Variants in PLEKHA6 observed in about 807,000 individuals in gnomAD.
PLEKHA6 encodes pleckstrin homology domain-containing family A member 6.
A neutral mutation model predicts 116.7 loss-of-function variants in PLEKHA6; 60 were observed. The observed-to-expected ratio is 0.51, with a 90% CI of 0.42 to 0.64. The LOEUF is 0.64. Among genes scored for constraint, PLEKHA6 ranks in the 30% least tolerant of loss-of-function variants. The pLI is 0.00. For missense variants in PLEKHA6, 1,338 were observed against 1,422.7 expected, an observed-to-expected ratio of 0.94 and a Z score of 0.96; for synonymous variants, 489 against 556.1, an observed-to-expected ratio of 0.88 and a Z score of 1.70.
chr1:204,307,199 C>G (rs946528505), intron 1 of PLEKHA6: 2 of 152,232 alleles, frequency 1.3e-5, no homozygotes, highest in Non-Finnish European at 2.9e-5. Context: ...CTCACACACT[C>G]ACACTCATTC....
In PLEKHA6 at chr1:204,228,852, G is replaced by A. The variant is rs1325387452; in HGVS notation, c.2761C>T (p.Pro921Ser). ...DVDINKELST[P>S]DKVLIPERYI... ...CGTTCAGGGATGAGGACTTTGTCTG[G>A]AGTGGAGAGCTATGGAGGGGCTGGG... The change falls in exon 20 of 23, where the codon CCA (proline) becomes TCA (serine). Residue 921 changes from proline (P) to serine (S), a missense_variant. Pro to Ser is a moderately conservative substitution (Grantham distance 74). Transcript: ENST00000272203. This position sits in a 1 kb window ranked among gnomAD's most constrained non-coding sequence, Gnocchi z 4.0. 1.9e-6 allele frequency: 3 copies of A among 1,613,970 alleles called. No homozygotes were observed. The highest frequency in any genetic ancestry group is 2.5e-6 in the Non-Finnish European group (3 of 1,179,994).
intron 1 of PLEKHA6, among the ~76,000 whole-genome samples, chr1:204,306,359 C>A (rs914616520): frequency 6.6e-6 from 1 of 152,208 alleles, no homozygotes; most frequent in Non-Finnish European, 1.5e-5. Flanking sequence ...AGAAACACCA[C>A]ACAAACCCTA....
chr1:204,334,898 AAAAAT>A lies in PLEKHA6; in HGVS notation c.-95+24791_-95+24795del, dbSNP rs1019128358. 5.9e-4 allele frequency among the ~76,000 whole-genome samples: 90 copies of A among 152,322 alleles called. 1 individual carries two copies. The highest frequency in any genetic ancestry group is 6.8e-3 in the Middle Eastern group (2 of 292). On this transcript the variant is annotated intron_variant, in intron 1 of 22. Transcript: ENST00000272203. The stretch of plus-strand genomic sequence containing the variant: ...GGGTGACAGAACAAGGCTCTGTCTA[AAAAAT>A]AAAATAAAATAAAATAAAACCTACT...
intron 1 of PLEKHA6, among the ~76,000 whole-genome samples, chr1:204,374,591 T>C (rs3014607): frequency 0.16 from 24,481 of 152,044 alleles, 3,128 homozygotes; most frequent in East Asian, 0.54. Context: ...CTGCCTGGGT[T>C]ATCGTCCCCC....
At chr1:204,273,515 C>A (rs1353098153) in intron 3 of PLEKHA6, 111 bp downstream of exon 3, 1 of 778,208 alleles carries the variant, frequency 1.3e-6, no homozygotes, top group South Asian at 1.5e-5. Context: ...ACTCTTGGAG[C>A]CTGCAGAAAT....
intron 1 of PLEKHA6, chr1:204,309,783 T>C: frequency 7.4e-6 from 6 of 809,312 alleles, no homozygotes; most frequent in Non-Finnish European, 9.0e-6. Flanking sequence ...ATATTATATT[T>C]GCCTAGAGCA....
intron 1 of PLEKHA6, among the ~76,000 whole-genome samples, chr1:204,298,657 G>A (rs982014468): frequency 2.6e-5 from 4 of 152,136 alleles, no homozygotes; most frequent in Non-Finnish European, 5.9e-5. Context: ...GTCCAAGAAG[G>A]GCTAATGTGC....
intron 1 of PLEKHA6, among the ~76,000 whole-genome samples, chr1:204,314,930 T>C (rs1315344826): frequency 2.6e-5 from 4 of 152,178 alleles, no homozygotes; most frequent in African/African-American, 7.2e-5. Context: ...GAGGTATCAA[T>C]GTAGGCCTCG....
intron 1 of PLEKHA6, among the ~76,000 whole-genome samples, chr1:204,330,618 C>A (rs1341074025): frequency 6.6e-6 from 1 of 152,196 alleles, no homozygotes; most frequent in Non-Finnish European, 1.5e-5. Flanking sequence ...GTAGAGAGAA[C>A]CCTCAGGCTG....
intron 1 of PLEKHA6, among the ~76,000 whole-genome samples, chr1:204,306,594 A>C (rs763795932): frequency 1.0e-3 from 153 of 152,376 alleles, no homozygotes; most frequent in Non-Finnish European, 1.8e-3. Flanking sequence ...CATGGAGACC[A>C]TGCTGGAATG....
upstream of PLEKHA6, among the ~76,000 whole-genome samples, chr1:204,361,662 G>A (rs1240954573): frequency 1.3e-5 from 2 of 152,242 alleles, no homozygotes; most frequent in Non-Finnish European, 2.9e-5. Context: ...TGAAGGGGCA[G>A]ACAAGTTGTG....
At chr1:204,376,191 A>T (rs1673866641) in intron 1 of PLEKHA6, among the ~76,000 whole-genome samples, 1 of 152,242 alleles carries the variant, frequency 6.6e-6, no homozygotes, top group African/African-American at 2.4e-5. Flanking sequence ...GAGGAAAAGA[A>T]TCTGGATGGC....
chr1:204,328,270 C>G (rs537474909), intron 1 of PLEKHA6, among the ~76,000 whole-genome samples: 33 of 151,152 alleles, frequency 2.2e-4, no homozygotes, highest in African/African-American at 8.0e-4. Context: ...TTAGTAGAGA[C>G]GGGGTTTCTC....
At chr1:204,356,001 A>AC (rs1046294427) in intron 1 of PLEKHA6, among the ~76,000 whole-genome samples, 656 of 18,392 alleles carry the variant, frequency 0.036, 4 homozygotes, top group African/African-American at 0.065. Flanking sequence ...ACACACACAC[A>AC]AAAAAAATCC....
At chr1:204,235,002 ATATATATATATCT>A (rs1661810640) in intron 17 of PLEKHA6, among the ~76,000 whole-genome samples, 2 of 21,304 alleles carry the variant, frequency 9.4e-5, no homozygotes, top group Admixed American at 1.0e-3. Flanking sequence ...ATATATATAT[ATATATATATATCT>A]AATAGCAGAT....
intron 15 of PLEKHA6, among the ~76,000 whole-genome samples, chr1:204,243,804 A>C (rs1053069003): frequency 7.3e-5 from 11 of 151,602 alleles, no homozygotes; most frequent in African/African-American, 2.4e-4. Flanking sequence ...TCTTTATTTT[A>C]TTTTTCTTTT....
chr1:204,326,462 C>G (rs568600469), intron 1 of PLEKHA6, among the ~76,000 whole-genome samples: 2 of 152,342 alleles, frequency 1.3e-5, no homozygotes, highest in African/African-American at 2.4e-5. Context: ...CTTCCCAGCT[C>G]TCATTCTAAC....
At position 204,268,194 on chromosome 1, in the gene PLEKHA6, CAG is replaced by C; in HGVS notation, c.207+12_207+13del. On this transcript the variant is annotated intron_variant, in intron 4 of 22. Transcript: ENST00000272203. ...GTGGAGGCTACGGTGGCCAGAACCG[CAG>C]GGTGGCCTCACCTGTTTGAAGAGCC... 1 of 1,571,532 alleles carries C rather than the reference CAG, an allele frequency of 6.4e-7. No homozygotes were observed. Among genetic ancestry groups the C allele is most frequent in the Non-Finnish European group, 8.7e-7 (1 of 1,144,952 alleles).
intron 10 of PLEKHA6, among the ~76,000 whole-genome samples, chr1:204,249,801 C>T (rs1458735713): frequency 6.6e-6 from 1 of 152,118 alleles, no homozygotes; most frequent in Non-Finnish European, 1.5e-5. Flanking sequence ...CTGGGCAGAT[C>T]CACTACCCAA....
Sources: gnomAD v4.1 joint callset for allele counts (sites outside exome capture counted in the v4.1 genomes callset) on GRCh38, gnomAD v4.1.1 for gene constraint, Gnocchi (gnomAD v3.1) non-coding constraint, MANE v1.5 for transcripts, NCBI Gene and HGNC (gene_info 2026-07-23, HGNC 2026-07-21) for gene names.